The following SKIC3 variants were observed in gnomAD, a reference collection of about 807,000 sequenced individuals.
The protein encoded by SKIC3 is superkiller complex protein 3.
the SKIC3 span, among the ~76,000 whole-genome samples, chr5:95,544,225 C>A: frequency 6.6e-6 from 1 of 152,166 alleles, no homozygotes; most frequent in Non-Finnish European, 1.5e-5. Context: ...AAAAGGCACT[C>A]AGGCCTCATA....
the SKIC3 span, among the ~76,000 whole-genome samples, chr5:95,491,897 T>G: frequency 6.6e-6 from 1 of 152,192 alleles, no homozygotes; most frequent in Admixed American, 6.5e-5. Context: ...GTTAACAATA[T>G]AGACACTTGA....
At chr5:95,523,633 C>A in the SKIC3 span, 1 of 1,610,418 alleles carries the variant, frequency 6.2e-7, no homozygotes, top group Non-Finnish European at 8.5e-7. Flanking sequence ...AAACAAAAAG[C>A]AAAAGTGATT....
chr5:95,476,572 G>C, the SKIC3 span, among the ~76,000 whole-genome samples: 1 of 152,112 alleles, frequency 6.6e-6, no homozygotes, highest in Non-Finnish European at 1.5e-5. Context: ...AAATTGGATT[G>C]ATAGCACTTT....
chr5:95,529,933 G>A, the SKIC3 span, among the ~76,000 whole-genome samples: 1 of 152,110 alleles, frequency 6.6e-6, no homozygotes, highest in Non-Finnish European at 1.5e-5. Context: ...GATAAGCAGA[G>A]TCAGAGTTCA....
chr5:95,503,305 T>A, the SKIC3 span, among the ~76,000 whole-genome samples: 1 of 152,184 alleles, frequency 6.6e-6, no homozygotes, highest in Non-Finnish European at 1.5e-5. Context: ...AGCAGAGGCC[T>A]GCAGCCACTG....
chr5:95,525,327 C>A, the SKIC3 span: 3 of 1,367,506 alleles, frequency 2.2e-6, no homozygotes, highest in South Asian at 3.5e-5. Flanking sequence ...CAAGCCTACT[C>A]ATTTTGAATT....
chr5:95,491,414 T>C, the SKIC3 span, among the ~76,000 whole-genome samples: 1 of 152,266 alleles, frequency 6.6e-6, no homozygotes, highest in South Asian at 2.1e-4. Context: ...AAAGACTCAG[T>C]CCTAGGACAA....
At chr5:95,482,614 A>T in the SKIC3 span, 1 of 1,613,994 alleles carries the variant, frequency 6.2e-7, no homozygotes, top group South Asian at 1.1e-5. Flanking sequence ...CTGGCTGATC[A>T]GGGTTACTTT....
At chr5:95,533,877 A>T in the SKIC3 span, among the ~76,000 whole-genome samples, 1 of 152,182 alleles carries the variant, frequency 6.6e-6, no homozygotes, top group Non-Finnish European at 1.5e-5. Context: ...TATAAGGACA[A>T]GTCTACATTA....
chr5:95,522,556 G>C, the SKIC3 span, among the ~76,000 whole-genome samples: 1 of 151,712 alleles, frequency 6.6e-6, no homozygotes, highest in Non-Finnish European at 1.5e-5. Context: ...TCTTTTCCTT[G>C]ATTATCTTGA....
the SKIC3 span, among the ~76,000 whole-genome samples, chr5:95,549,414 C>T: frequency 6.6e-6 from 1 of 151,906 alleles, no homozygotes; most frequent in Admixed American, 6.5e-5. Context: ...AAATAGGAAG[C>T]CATTAGTAAT....
chr5:95,503,681 G>T, the SKIC3 span: 1 of 1,265,880 alleles, frequency 7.9e-7, no homozygotes, highest in Non-Finnish European at 1.1e-6. Flanking sequence ...TAGTATTGCT[G>T]CTGACTCCTA....
the SKIC3 span, among the ~76,000 whole-genome samples, chr5:95,530,460 G>C: frequency 2.6e-5 from 4 of 152,084 alleles, no homozygotes; most frequent in Non-Finnish European, 4.4e-5. Context: ...AACCACTTTA[G>C]GATTTCAGAC....
chr5:95,489,458 T>C, the SKIC3 span, among the ~76,000 whole-genome samples: 1 of 150,052 alleles, frequency 6.7e-6, no homozygotes, highest in Non-Finnish European at 1.5e-5. Flanking sequence ...ATAGTGTTAG[T>C]TGAAAATGGA....
chr5:95,488,024 G>A, the SKIC3 span, among the ~76,000 whole-genome samples: 3 of 151,750 alleles, frequency 2.0e-5, no homozygotes, highest in Non-Finnish European at 2.9e-5. Flanking sequence ...TAGAAATGAA[G>A]AATTCATTGA....
the SKIC3 span, chr5:95,464,642 C>T: frequency 6.2e-7 from 1 of 1,613,462 alleles, no homozygotes; most frequent in Non-Finnish European, 8.5e-7. Flanking sequence ...AGTTCCAATG[C>T]TCTTGTATCT....
chr5:95,497,012 G>A, the SKIC3 span, among the ~76,000 whole-genome samples: 1 of 151,910 alleles, frequency 6.6e-6, no homozygotes, highest in Non-Finnish European at 1.5e-5. Context: ...TATTAGCAGT[G>A]TTCTAGTTCT....
At chr5:95,554,500 C>T in the SKIC3 span, among the ~76,000 whole-genome samples, 1 of 152,306 alleles carries the variant, frequency 6.6e-6, no homozygotes, top group East Asian at 1.9e-4. Flanking sequence ...ATTTCCCCCT[C>T]CAGTTTCGCT....
At chr5:95,529,202 T>C in the SKIC3 span, 8 of 919,418 alleles carry the variant, frequency 8.7e-6, no homozygotes, top group Non-Finnish European at 1.4e-5. Context: ...CCCCTCTTCA[T>C]CTCTCATATC....
Sources: allele counts gnomAD v4.1 joint callset (sites outside exome capture counted in the v4.1 genomes callset), GRCh38; gene constraint gnomAD v4.1.1; transcripts MANE v1.5; gene names NCBI Gene and HGNC (gene_info 2026-07-23, HGNC 2026-07-21).